CFAP54: variants seen among roughly 807,000 people sequenced by gnomAD.
CFAP54 encodes the protein cilia- and flagella-associated protein 54.
CFAP54 carries 290 observed loss-of-function variants against 370.4 expected under a neutral mutation model. The ratio of observed to expected loss-of-function variants is 0.78; its 90% CI spans 0.71 to 0.86. CFAP54 has a LOEUF of 0.86. Ranked by LOEUF, CFAP54 falls within the 40% of genes least tolerant of loss-of-function variation. The pLI is 0.00. For missense variants in CFAP54, 3,399 were observed against 3,528.7 expected (o/e 0.96, Z 0.93); for synonymous variants, 1,206 against 1,236.5 (o/e 0.98, Z 0.52).
At chr12:96,678,634 C>T (rs991796976) in intron 39 of CFAP54, among the ~76,000 whole-genome samples, 1 of 152,192 alleles carries the variant, frequency 6.6e-6, no homozygotes, top group Non-Finnish European at 1.5e-5. Context: ...CTCGAAGGCA[C>T]AGCTGGCCTA....
rs565871457 is a variant in CFAP54 at position 96,740,056 on chromosome 12, A to G, written c.7066A>G (p.Thr2356Ala). ...CACAGAGAATCCTGTCTCTCCAGGA[A>G]CTTCTGTAAGTATGACTTAATGTCT... ...DDTENPVSPG[T>A]SVTENKDDSE... Residue 2356 changes from threonine (T) to alanine (A), a missense_variant, in exon 51 of 68, where the codon ACT (threonine) becomes GCT (alanine). Around this residue, in one of 3 missense-constraint regions of CFAP54, gnomAD observed 2,796 missense variants for 2,869.7 expected, o/e 0.97. Coordinates refer to ENST00000524981, the MANE Select transcript of CFAP54 (RefSeq NM_001306084.2). 4.5e-6 allele frequency: 7 copies of G among 1,556,910 alleles called. No individual in the cohort carries two copies. In the East Asian group the frequency reaches 1.1e-4, roughly 25 times the overall value.
At chr12:96,664,797 A>ATCTATATC (rs1565934591) in intron 39 of CFAP54, among the ~76,000 whole-genome samples, 1 of 26,964 alleles carries the variant, frequency 3.7e-5, no homozygotes, top group Non-Finnish European at 7.2e-5. Flanking sequence ...ATATATATAT[A>ATCTATATC]TATATATATA....
intron 63 of CFAP54, 89 bp from the exon 64 acceptor site, chr12:96,811,647 T>A: frequency 1.5e-6 from 1 of 671,564 alleles, no homozygotes; most frequent in South Asian, 2.2e-5. Context: ...CAAAGTACAG[T>A]GATATTATTT....
intron 20 of CFAP54, among the ~76,000 whole-genome samples, chr12:96,579,920 A>T (rs999854275): frequency 7.9e-5 from 12 of 151,818 alleles, no homozygotes; most frequent in African/African-American, 2.9e-4. Context: ...TTATCAAAGT[A>T]ATATCATGTT....
At chr12:96,680,372 T>C (rs936852895) in intron 40 of CFAP54, among the ~76,000 whole-genome samples, 5 of 152,170 alleles carry the variant, frequency 3.3e-5, no homozygotes, top group Admixed American at 6.5e-5. Flanking sequence ...TACATTCAAA[T>C]TTAGGCTGGA....
At chr12:96,628,087 A>G (rs899354883) in intron 30 of CFAP54, among the ~76,000 whole-genome samples, 7 of 152,198 alleles carry the variant, frequency 4.6e-5, no homozygotes, top group Admixed American at 4.6e-4. Flanking sequence ...GTACTATATC[A>G]CGAAGATGTG....
At chr12:96,776,131 T>C (rs1218176149) in intron 60 of CFAP54, among the ~76,000 whole-genome samples, 1 of 152,058 alleles carries the variant, frequency 6.6e-6, no homozygotes, top group African/African-American at 2.4e-5. Context: ...ATTAGCCAAC[T>C]TTTTCAGGAA....
At chr12:96,762,742 G>C (rs1454099582) in intron 58 of CFAP54, among the ~76,000 whole-genome samples, 2 of 151,942 alleles carry the variant, frequency 1.3e-5, no homozygotes, top group South Asian at 2.1e-4. Flanking sequence ...TGTTACTCCA[G>C]ATTAGTCCCA....
chr12:96,614,915 T>C (rs1306581070), intron 26 of CFAP54, among the ~76,000 whole-genome samples: 4 of 152,004 alleles, frequency 2.6e-5, no homozygotes, highest in African/African-American at 4.8e-5. Context: ...GAATCAATAT[T>C]GTGAAAATGG....
In CFAP54 at chr12:96,756,447, T is replaced by C. The variant is rs776473963; in HGVS notation, c.7841-11T>C. ...AGGAAAAACCATCTTTGTATCTTTT[T>C]CTTCTTTCAGGCAAAATAGAACGTC... On this transcript the variant is annotated splice_polypyrimidine_tract_variant and intron_variant, in intron 56 of 67. Coordinates refer to ENST00000524981, the MANE Select transcript of CFAP54 (RefSeq NM_001306084.2). The C allele has an allele frequency of 9.8e-6, 15 of 1,524,058 alleles. No homozygotes were observed. The highest frequency in any genetic ancestry group is 1.3e-5 in the Non-Finnish European group (15 of 1,120,842). The allele number at this position is 1,524,058 out of a possible 1,614,324, so 94.4% of individuals were successfully genotyped here. A position where few individuals can be genotyped will look rare whatever the true frequency, so the allele number is the denominator to read the frequency against.
intron 17 of CFAP54, among the ~76,000 whole-genome samples, chr12:96,558,427 C>A (rs1188209739): frequency 6.6e-6 from 1 of 151,972 alleles, no homozygotes; most frequent in Non-Finnish European, 1.5e-5. Context: ...AACTGATAAA[C>A]AAATTAAGTA....
chr12:96,768,789 C>G (rs1163244128), intron 60 of CFAP54, among the ~76,000 whole-genome samples: 1 of 152,152 alleles, frequency 6.6e-6, no homozygotes. Flanking sequence ...CTGAGGGGAG[C>G]TGGACACAGG....
intron 48 of CFAP54, among the ~76,000 whole-genome samples, chr12:96,715,042 T>C (rs942891737): frequency 2.6e-5 from 4 of 152,150 alleles, no homozygotes; most frequent in Admixed American, 2.6e-4. Context: ...GTATTGTGGG[T>C]ATGTTTGCAA....
intron 66 of CFAP54, among the ~76,000 whole-genome samples, chr12:96,855,355 A>G (rs1181106638): frequency 3.3e-5 from 5 of 152,150 alleles, no homozygotes; most frequent in African/African-American, 1.2e-4. Flanking sequence ...CAGTCCCCCA[A>G]AGTCTTAATT....
chr12:96,653,839 A>AATT (rs35624237), intron 36 of CFAP54, among the ~76,000 whole-genome samples: 119,731 of 151,500 alleles, frequency 0.79, 47,493 homozygotes, highest in East Asian at 0.86. Flanking sequence ...CTAAATTAAA[A>AATT]ATTAAATCTA....
chr12:96,776,206 G>T (rs1249492409), intron 60 of CFAP54, among the ~76,000 whole-genome samples: 1 of 151,784 alleles, frequency 6.6e-6, no homozygotes, highest in African/African-American at 2.4e-5. Flanking sequence ...ATGATGTTAA[G>T]AAATTAAATT....
chr12:96,601,589 CT>C (rs1025031549), intron 26 of CFAP54, among the ~76,000 whole-genome samples: 6 of 151,840 alleles, frequency 4.0e-5, no homozygotes, highest in African/African-American at 1.5e-4. Flanking sequence ...TGGTCCTGGA[CT>C]TTTTTTTGGT....
chr12:96,732,853 T>C (rs1036331602), intron 50 of CFAP54, among the ~76,000 whole-genome samples: 2 of 149,552 alleles, frequency 1.3e-5, no homozygotes, highest in African/African-American at 2.5e-5. Context: ...TAATTCTCTA[T>C]AGAACTGTTT....
chr12:96,512,914 C>T, intron 4 of CFAP54, 72 bp from the exon 5 acceptor site: 1 of 1,003,026 alleles, frequency 1.0e-6, no homozygotes. Flanking sequence ...CAGACTTGAA[C>T]CACAGAAATT....
Sources: allele counts gnomAD v4.1 joint callset (sites outside exome capture counted in the v4.1 genomes callset), GRCh38; gene constraint gnomAD v4.1.1; regional missense constraint gnomAD v4.1.1; transcripts MANE v1.5; gene names NCBI Gene and HGNC (gene_info 2026-07-23, HGNC 2026-07-21).